Variants in SLIT1 observed in about 807,000 individuals in gnomAD.
SLIT1 encodes slit homolog 1 protein.
A neutral mutation model predicts 186.1 loss-of-function variants in SLIT1; 66 were observed. The observed-to-expected ratio is 0.35, with a 90% CI of 0.29 to 0.44. The LOEUF (loss-of-function observed/expected upper bound fraction) is 0.44. Ranked by LOEUF, SLIT1 falls within the 20% of genes least tolerant of loss-of-function variation. The probability of loss-of-function intolerance (pLI) is 1.00; values close to 1 mark genes in which losing one functional copy is unlikely to be tolerated. For missense variants in SLIT1, 1,638 were observed against 2,037.4 expected, an observed-to-expected ratio of 0.80 and a Z score of 3.77; for synonymous variants, 761 against 833.8, an observed-to-expected ratio of 0.91 and a Z score of 1.50.
At chr10:97,054,400 C>G (rs180844307) in intron 13 of SLIT1, among the ~76,000 whole-genome samples, 4 of 152,124 alleles carry the variant, frequency 2.6e-5, no homozygotes, top group Admixed American at 2.6e-4. Context: ...ATGGAACTGT[C>G]AGCCAAGTAA....
rs1402722955 is a variant in SLIT1 at position 96,999,952 on chromosome 10, T to C, written c.*1160A>G. The C allele has an allele frequency of 6.6e-6, 1 of 152,242 alleles. No individual in the cohort carries two copies. The highest frequency in any genetic ancestry group is 2.4e-5 in the African/African-American group (1 of 41,454). The allele number at this position is 152,242 out of a possible 1,614,324, so 9.4% of individuals were successfully genotyped here. On this transcript the variant is annotated 3_prime_UTR_variant, in exon 37 of 37. Coordinates refer to ENST00000266058, the MANE Select transcript of SLIT1 (RefSeq NM_003061.3). ...GTAGATAGATAGATAGATAGATAGG[T>C]CTTCTAACTCCTCTGGCCTCCCAAG...
chr10:97,096,606 A>G (rs988050406), intron 4 of SLIT1, among the ~76,000 whole-genome samples: 3 of 152,280 alleles, frequency 2.0e-5, no homozygotes, highest in East Asian at 3.9e-4. Context: ...ATGAAATGTC[A>G]GCGGCTCCTC....
intron 36 of SLIT1, among the ~76,000 whole-genome samples, 199 bp from the exon 37 acceptor site, chr10:97,001,549 G>T (rs752746382): frequency 2.0e-5 from 3 of 152,180 alleles, no homozygotes; most frequent in Non-Finnish European, 2.9e-5. Flanking sequence ...CCTACAGTCT[G>T]GTCCTAGCGT....
intron 1 of SLIT1, among the ~76,000 whole-genome samples, chr10:97,166,611 G>GAA (rs58338938): frequency 1.8e-5 from 1 of 56,596 alleles, no homozygotes; most frequent in Non-Finnish European, 3.6e-5. Context: ...AAGAAAGAAA[G>GAA]AAAGAAAGAA....
intron 2 of SLIT1, among the ~76,000 whole-genome samples, chr10:97,163,766 A>G (rs1211921256): frequency 6.6e-6 from 1 of 152,250 alleles, no homozygotes; most frequent in East Asian, 1.9e-4. Context: ...CCCAAGCACC[A>G]TGTCTCCGCT....
At chr10:97,090,151 C>T (rs1390773871) in intron 4 of SLIT1, among the ~76,000 whole-genome samples, 1 of 152,174 alleles carries the variant, frequency 6.6e-6, no homozygotes, top group African/African-American at 2.4e-5. Flanking sequence ...TGCTTCCATC[C>T]CAGTGGGGGA....
chr10:97,052,130 C>T (rs1165868655), intron 13 of SLIT1, among the ~76,000 whole-genome samples: 3 of 142,482 alleles, frequency 2.1e-5, no homozygotes, highest in African/African-American at 7.8e-5. Context: ...GAGTCGGTCT[C>T]AGGCTGTCAC....
chr10:97,132,864 A>C (rs1040960344), intron 4 of SLIT1, among the ~76,000 whole-genome samples: 11 of 152,276 alleles, frequency 7.2e-5, no homozygotes, highest in Admixed American at 5.2e-4. Flanking sequence ...CCTTCTTCAC[A>C]AGAGGGAGCA....
rs554489067 is a variant in SLIT1 at position 97,004,383 on chromosome 10, A to G, written c.3711-161T>C. Among the ~76,000 whole-genome samples the G allele has an allele frequency of 6.6e-6, 1 of 151,928 alleles. No homozygotes were observed. The highest frequency in any genetic ancestry group is 1.5e-5 in the Non-Finnish European group (1 of 67,954). On this transcript the variant is annotated intron_variant, in intron 33 of 36. Coordinates refer to ENST00000266058, the MANE Select transcript of SLIT1 (RefSeq NM_003061.3). This position sits in a 1 kb window ranked among gnomAD's most constrained non-coding sequence, Gnocchi z 5.1. ...AAGGGTCTATCGCATGATCCCTTTC[A>G]CTCCCCTTCTTTGACTCCCTGGGGA...
At chr10:97,036,860 A>T (rs1257840530) in intron 22 of SLIT1, among the ~76,000 whole-genome samples, 1 of 152,228 alleles carries the variant, frequency 6.6e-6, no homozygotes, top group Non-Finnish European at 1.5e-5. Flanking sequence ...TTCATGGAGT[A>T]GAAGGGGTCA....
chr10:97,081,870 G>A (rs971744050), intron 4 of SLIT1, among the ~76,000 whole-genome samples: 6 of 152,164 alleles, frequency 3.9e-5, no homozygotes, highest in African/African-American at 1.4e-4. Flanking sequence ...CCTCTGCTCA[G>A]GGCTAAAGAC....
chr10:97,079,137 T>G (rs1849077861), intron 4 of SLIT1, among the ~76,000 whole-genome samples: 1 of 152,206 alleles, frequency 6.6e-6, no homozygotes, highest in Non-Finnish European at 1.5e-5. Context: ...TACTCATGGG[T>G]AGAGGAGGGT....
intron 4 of SLIT1, chr10:97,103,216 T>G (rs1353372302): frequency 6.6e-6 from 1 of 152,218 alleles, no homozygotes; most frequent in African/African-American, 2.4e-5. Context: ...GGAGGGGCAA[T>G]GAGATGGGGA....
chr10:97,002,241 A>C lies in SLIT1; in HGVS notation c.4283T>G (p.Leu1428Arg), dbSNP rs1347976198. Residue 1428 changes from leucine (L) to arginine (R), a missense_variant, in exon 36 of 37, where the codon CTG becomes CGG. Physicochemically the swap from Leu to Arg is moderately radical, Grantham distance 102 (BLOSUM62 -2). Transcript: ENST00000266058. ...GCCTGAGGCCTGGCAGTGGCCATGC[A>C]GGCACTGCAGGCCTCTGCAGGGCTC... ...LAEPCRGLQC[L>R]HGHCQASGTK... 6.3e-7 allele frequency: 1 copy of C among 1,594,606 alleles called. No homozygotes were observed. The highest frequency in any genetic ancestry group is 1.7e-5 in the Admixed American group (1 of 58,298).
chr10:97,064,384 T>C (rs1428714496), intron 6 of SLIT1, 145 bp from the exon 7 acceptor site: 1 of 709,538 alleles, frequency 1.4e-6, no homozygotes, highest in Admixed American at 2.1e-5. Context: ...CCGAAGAGCA[T>C]GAGGCATATC....
Position 97,001,202 on chromosome 10 carries a change from C to G in SLIT1, c.4515G>C (p.Arg1505=). Residue 1505 remains arginine, a synonymous_variant, in exon 37 of 37, where the codon CGG becomes CGC. Transcript: ENST00000266058. The part of the protein sequence containing the change: ...QGCCQGLRLK[R]RKFTFECSDG... ...CGCTGCACTCAAAGGTGAACTTCCT[C>G]CGCTTCAGCCGAAGGCCCTGGCAGC... is the stretch of plus-strand genomic sequence containing the variant. 6.2e-7 allele frequency: 1 copy of G among 1,613,278 alleles called. No individual in the cohort carries two copies. Among genetic ancestry groups the G allele is most frequent in the Non-Finnish European group, 8.5e-7 (1 of 1,179,906 alleles).
In SLIT1 at chr10:97,015,239, G is replaced by T. The variant is rs1023529810; in HGVS notation, c.2970-1081C>A. Among the ~76,000 whole-genome samples, 3 of 152,204 alleles carry T rather than the reference G, an allele frequency of 2.0e-5. No homozygotes were observed. The South Asian group carries it at 6.2e-4, about 32-fold the overall frequency. ...TGGGACAAGCCCTCCAGGTAGAAAG[G>T]TGGGCATGCTTCCAGGTGCCAAATA... On this transcript the variant is annotated intron_variant, in intron 28 of 36. Transcript: ENST00000266058.
intron 4 of SLIT1, among the ~76,000 whole-genome samples, chr10:97,082,430 A>C (rs745529310): frequency 6.6e-6 from 1 of 151,784 alleles, no homozygotes; most frequent in East Asian, 1.9e-4. Flanking sequence ...TTTATTTTTT[A>C]TTTTATTTAT....
chr10:97,163,132 C>T (rs1850053272), intron 3 of SLIT1, among the ~76,000 whole-genome samples: 1 of 152,210 alleles, frequency 6.6e-6, no homozygotes, highest in Non-Finnish European at 1.5e-5. Context: ...CCCGTATCTT[C>T]AGGGAAAAAC....
Sources: allele counts gnomAD v4.1 joint callset (sites outside exome capture counted in the v4.1 genomes callset), GRCh38; gene constraint gnomAD v4.1.1; non-coding constraint Gnocchi (gnomAD v3.1); transcripts MANE v1.5; gene names NCBI Gene and HGNC (gene_info 2026-07-23, HGNC 2026-07-21).